Variants in PTPRD observed in about 807,000 individuals in gnomAD.
The protein encoded by PTPRD is protein tyrosine phosphatase receptor type D, also known as receptor-type tyrosine-protein phosphatase delta.
PTPRD carries 34 observed loss-of-function variants against 214.5 expected under a neutral mutation model. The observed-to-expected ratio is 0.16, with a 90% CI of 0.12 to 0.21. The LOEUF (loss-of-function observed/expected upper bound fraction) is 0.21. Ranked by LOEUF, PTPRD falls within the 10% of genes least tolerant of loss-of-function variation. PTPRD has a pLI of 1.00. For synonymous variants in PTPRD, 1,128 were observed against 845.7 expected (o/e 1.33, Z -5.79); for missense variants, 2,545 against 2,398.7 (o/e 1.06, Z -1.27).
chr9:9,192,088 G>T (rs2099935588), intron 9 of PTPRD, among the ~76,000 whole-genome samples: 1 of 151,932 alleles, frequency 6.6e-6, no homozygotes, highest in South Asian at 2.1e-4. Flanking sequence ...GGACTTTCAG[G>T]CTATTTTGAG....
intron 11 of PTPRD, among the ~76,000 whole-genome samples, chr9:8,929,705 GTATA>G (rs370800130): frequency 7.6e-6 from 1 of 130,740 alleles, no homozygotes; most frequent in Non-Finnish European, 1.6e-5. Context: ...ATATATATGT[GTATA>G]TATATATGTG....
intron 2 of PTPRD, among the ~76,000 whole-genome samples, chr9:10,608,924 A>C (rs1005382557): frequency 1.3e-5 from 2 of 152,258 alleles, no homozygotes; most frequent in African/African-American, 2.4e-5. Context: ...ATCCTAAAAA[A>C]ATAAAACAGT....
intron 14 of PTPRD, among the ~76,000 whole-genome samples, chr9:8,612,797 A>T (rs2095495412): frequency 1.3e-5 from 2 of 152,212 alleles, no homozygotes; most frequent in Admixed American, 1.3e-4. Flanking sequence ...GTAGAGAACA[A>T]TGAAGACATT....
chr9:9,693,091 C>A (rs2097303803), intron 7 of PTPRD, among the ~76,000 whole-genome samples: 1 of 151,886 alleles, frequency 6.6e-6, no homozygotes, highest in African/African-American at 2.4e-5. Flanking sequence ...TTCTTCCTTT[C>A]CAATTTGGAT....
chr9:9,545,894 A>G (rs1247468496), intron 8 of PTPRD, among the ~76,000 whole-genome samples: 1 of 151,834 alleles, frequency 6.6e-6, no homozygotes, highest in Non-Finnish European at 1.5e-5. Context: ...AGAAAAAACA[A>G]CTTGAATATA....
intron 3 of PTPRD, among the ~76,000 whole-genome samples, chr9:10,280,583 G>A (rs377249343): frequency 1.3e-5 from 2 of 152,068 alleles, no homozygotes; most frequent in Non-Finnish European, 2.9e-5. Flanking sequence ...CTCTGATTCA[G>A]TAAGTCTAGG....
intron 14 of PTPRD, among the ~76,000 whole-genome samples, chr9:8,587,651 A>C (rs2093771024): frequency 6.6e-6 from 1 of 152,238 alleles, no homozygotes; most frequent in South Asian, 2.1e-4. Context: ...TTATATCCCA[A>C]AAGGAAAATA....
At chr9:8,948,131 TG>T (rs2099077413) in intron 11 of PTPRD, among the ~76,000 whole-genome samples, 1 of 150,850 alleles carries the variant, frequency 6.6e-6, no homozygotes, top group South Asian at 2.1e-4. Flanking sequence ...GCGATTCTCC[TG>T]CCTCAGTTTC....
At chr9:9,751,107 T>C (rs1418340164) in intron 6 of PTPRD, among the ~76,000 whole-genome samples, 2 of 152,092 alleles carry the variant, frequency 1.3e-5, no homozygotes, top group Non-Finnish European at 2.9e-5. Flanking sequence ...CACACTCTTA[T>C]CCACACAATA....
intron 12 of PTPRD, among the ~76,000 whole-genome samples, chr9:8,664,152 T>G (rs1476716328): frequency 6.6e-6 from 1 of 152,184 alleles, no homozygotes; most frequent in Admixed American, 6.5e-5. Flanking sequence ...AAACTTTCAC[T>G]AGAAACTTGA....
At chr9:8,327,453 A>AT (rs1441091265) in intron 44 of PTPRD, among the ~76,000 whole-genome samples, 5 of 152,160 alleles carry the variant, frequency 3.3e-5, no homozygotes, top group South Asian at 2.1e-4. Flanking sequence ...TTTACTTCCA[A>AT]TATGTGGTCA....
intron 3 of PTPRD, among the ~76,000 whole-genome samples, chr9:10,317,772 C>T (rs528578524): frequency 6.6e-6 from 1 of 152,014 alleles, no homozygotes; most frequent in East Asian, 1.9e-4. Flanking sequence ...CATTTGGCCC[C>T]AATGTGGTCT....
intron 3 of PTPRD, among the ~76,000 whole-genome samples, chr9:10,241,565 T>C (rs1192590581): frequency 6.6e-6 from 1 of 151,908 alleles, no homozygotes. Flanking sequence ...GTAATTCAAA[T>C]AATGATAACT....
chr9:9,116,466 G>T (rs2099812438), intron 10 of PTPRD, among the ~76,000 whole-genome samples: 1 of 152,048 alleles, frequency 6.6e-6, no homozygotes, highest in Non-Finnish European at 1.5e-5. Flanking sequence ...AGAGTCAGAA[G>T]TGGGGAGGGT....
intron 3 of PTPRD, among the ~76,000 whole-genome samples, chr9:10,208,862 T>C (rs139739052): frequency 4.6e-5 from 7 of 152,286 alleles, no homozygotes; most frequent in African/African-American, 9.6e-5. Context: ...CCGAGGCATA[T>C]TGCACCAGCT....
intron 5 of PTPRD, among the ~76,000 whole-genome samples, chr9:9,841,128 G>T (rs767529989): frequency 3.3e-5 from 5 of 152,190 alleles, no homozygotes; most frequent in East Asian, 1.9e-4. Flanking sequence ...TATTTTAAAG[G>T]TTGCCTAAAA....
In PTPRD at chr9:8,321,477, G is replaced by GTA. The variant is rs1227799696; in HGVS notation, c.5535-1512_5535-1511insTA. Reference sequence around the variant, plus strand: ...AAGTCTTCTTTGTGTGTGTGTGTGTGTGTGTGTGTGTATATATATATATAT... The same window carrying GTA: ...AAGTCTTCTTTGTGTGTGTGTGTGTGTATGTGTGTGTGTATATATATATATAT... On this transcript the variant is annotated intron_variant, in intron 44 of 45. Coordinates refer to ENST00000381196, the MANE Select transcript of PTPRD (RefSeq NM_002839.4). Among the ~76,000 whole-genome samples the GTA allele has an allele frequency of 1.6e-3, 122 of 75,274 alleles. 1 individual carries two copies. The highest frequency in any genetic ancestry group is 5.0e-3 in the African/African-American group (85 of 17,136). 49.4% of individuals were successfully genotyped at this position (75,274 alleles called of 152,430 possible). A position where few individuals can be genotyped will look rare whatever the true frequency, so the allele number is the denominator to read the frequency against.
intron 7 of PTPRD, among the ~76,000 whole-genome samples, chr9:9,575,326 T>G (rs1009710499): frequency 6.6e-6 from 1 of 152,170 alleles, no homozygotes; most frequent in African/African-American, 2.4e-5. Context: ...CATCCTAAAT[T>G]ATTTAAGATA....
At chr9:9,768,108 C>T (rs1294518291) in intron 5 of PTPRD, among the ~76,000 whole-genome samples, 1 of 152,054 alleles carries the variant, frequency 6.6e-6, no homozygotes, top group Admixed American at 6.5e-5. Context: ...TATAAAATCC[C>T]CTAGGCCAAC....
Sources: allele counts gnomAD v4.1 joint callset (sites outside exome capture counted in the v4.1 genomes callset), GRCh38; gene constraint gnomAD v4.1.1; transcripts MANE v1.5; gene names NCBI Gene and HGNC (gene_info 2026-07-23, HGNC 2026-07-21).